PCDH11X: variants seen among roughly 807,000 people sequenced by gnomAD.
PCDH11X encodes the protein protocadherin 11 X-linked, also known as protocadherin-11 X-linked.
PCDH11X carries 18 observed loss-of-function variants against 53.3 expected under a neutral mutation model. That is an observed-to-expected ratio of 0.34 (90% CI 0.23 to 0.50). The LOEUF (loss-of-function observed/expected upper bound fraction) is 0.50. Among genes scored for constraint, PCDH11X ranks in the 20% least tolerant of loss-of-function variants. PCDH11X has a pLI of 0.98. For synonymous variants in PCDH11X, 279 were observed against 393.3 expected (o/e 0.71, Z 3.44); for missense variants, 570 against 1,032.4 (o/e 0.55, Z 6.14).
At chrX:92,460,583 G>A in intron 9 of PCDH11X, 2 of 777,633 alleles carry the variant, frequency 2.6e-6, no homozygotes, top group Admixed American at 4.8e-5. Context: ...CTTGGAGATC[G>A]ACCTGGACTC....
At chrX:92,419,989 C>T (rs866164150) in intron 9 of PCDH11X, among the ~76,000 whole-genome samples, 9 of 111,154 alleles carry the variant, frequency 8.1e-5, no homozygotes, top group African/African-American at 2.9e-4. Context: ...CTCTCTCTCC[C>T]CCTTTTCTTT....
chrX:92,296,701 T>C (rs1349463871), intron 8 of PCDH11X, among the ~76,000 whole-genome samples: 2 of 101,923 alleles, frequency 2.0e-5, no homozygotes, highest in Non-Finnish European at 3.9e-5. Context: ...AGTGCAGCAA[T>C]GAACATCCAT....
intron 6 of PCDH11X, among the ~76,000 whole-genome samples, chrX:91,950,257 C>A (rs112720421): frequency 1.9e-5 from 2 of 105,882 alleles, no homozygotes; most frequent in Non-Finnish European, 3.9e-5. Context: ...ACCTGAGTAG[C>A]GTACACTCTA....
intron 6 of PCDH11X, among the ~76,000 whole-genome samples, chrX:91,933,305 A>G (rs944666859): frequency 9.5e-6 from 1 of 105,299 alleles, no homozygotes; most frequent in African/African-American, 3.4e-5. Flanking sequence ...CTCCTTTGCT[A>G]CTATCAGCCT....
intron 8 of PCDH11X, 50 bp from the exon 9 acceptor site, chrX:92,387,685 A>G (rs372449415): frequency 8.3e-7 from 1 of 1,210,523 alleles, no homozygotes. Context: ...AGCATTAAGC[A>G]ATTATTCAGA....
intron 6 of PCDH11X, among the ~76,000 whole-genome samples, chrX:91,908,519 C>G (rs996574883): frequency 3.6e-5 from 4 of 111,819 alleles, no homozygotes; most frequent in African/African-American, 1.3e-4. Flanking sequence ...ATTAAAAAGT[C>G]AAGGCCAGGT....
intron 8 of PCDH11X, among the ~76,000 whole-genome samples, chrX:92,311,605 T>A (rs962288434): frequency 9.0e-6 from 1 of 111,325 alleles, no homozygotes; most frequent in African/African-American, 3.3e-5. Context: ...GCCACCACAT[T>A]TGGCAATTGA....
At chrX:92,177,529 C>G (rs1048111072) in intron 6 of PCDH11X, among the ~76,000 whole-genome samples, 1 of 111,746 alleles carries the variant, frequency 8.9e-6, no homozygotes, top group East Asian at 2.8e-4. Context: ...GTTACAATTG[C>G]ATGATGGGGC....
At chrX:92,460,136 G>A (rs1351664563) in intron 9 of PCDH11X, 5 of 1,058,203 alleles carry the variant, frequency 4.7e-6, no homozygotes, top group African/African-American at 3.7e-5. Context: ...GACAATGCCC[G>A]TCTTGCTGCT....
At chrX:92,494,019 CA>C (rs1332700571) in intron 10 of PCDH11X, among the ~76,000 whole-genome samples, 2 of 106,283 alleles carry the variant, frequency 1.9e-5, no homozygotes, top group African/African-American at 6.8e-5. Flanking sequence ...TTTCCCTTCA[CA>C]AGGCTATGTG....
At chrX:92,608,526 A>G (rs1927048050) in intron 10 of PCDH11X, among the ~76,000 whole-genome samples, 1 of 110,541 alleles carries the variant, frequency 9.0e-6, no homozygotes, top group African/African-American at 3.3e-5. Context: ...TTATCTTTTT[A>G]AATATTTCCA....
rs773206130 is a variant in PCDH11X at position 92,468,338 on chromosome X, A to T, written c.3367+16A>T. The T allele has an allele frequency of 4.3e-6, 5 of 1,171,845 alleles. No homozygotes were observed. Among genetic ancestry groups the T allele is most frequent in the Non-Finnish European group, 5.7e-6 (5 of 875,537 alleles). On this transcript the variant is annotated intron_variant, in intron 10 of 10. Transcript: ENST00000682573. ...CTAAAGAAAGGTACAGTAGAAATCA[A>T]CACAAACCATCACCATGTTGCATGT...
chrX:91,893,347 ATTTTT>A (rs58312535), intron 6 of PCDH11X, among the ~76,000 whole-genome samples: 1 of 88,699 alleles, frequency 1.1e-5, no homozygotes. Context: ...AGAGAACCGC[ATTTTT>A]TTTTTTTTTT....
chrX:91,813,500 G>C (rs1288935158), intron 4 of PCDH11X, among the ~76,000 whole-genome samples: 1 of 103,695 alleles, frequency 9.6e-6, no homozygotes, highest in Non-Finnish European at 1.9e-5. Context: ...GTAGATGTTG[G>C]CTCGGCTGAA....
At chrX:92,317,881 T>A (rs2069114804) in intron 8 of PCDH11X, among the ~76,000 whole-genome samples, 1 of 111,437 alleles carries the variant, frequency 9.0e-6, no homozygotes, top group African/African-American at 3.3e-5. Flanking sequence ...TAGCATTCAG[T>A]ATAATGTTAG....
chrX:91,814,714 A>T (rs1936401660), intron 4 of PCDH11X, among the ~76,000 whole-genome samples: 1 of 91,526 alleles, frequency 1.1e-5, no homozygotes, highest in Non-Finnish European at 2.2e-5. Flanking sequence ...TCAATCACAG[A>T]TGGCTAGAAC....
intron 8 of PCDH11X, among the ~76,000 whole-genome samples, chrX:92,378,324 G>A (rs2070797367): frequency 1.8e-5 from 2 of 108,915 alleles, no homozygotes; most frequent in South Asian, 7.8e-4. Context: ...AAAAGGAGAT[G>A]TCTATAGAAT....
At chrX:91,787,838 GAAC>G (rs764096957) in intron 1 of PCDH11X, among the ~76,000 whole-genome samples, 58 of 109,124 alleles carry the variant, frequency 5.3e-4, no homozygotes, top group Admixed American at 1.4e-3. Context: ...CTAAAACAAT[GAAC>G]AACAACAACA....
At chrX:92,026,745 C>T (rs1486728411) in intron 6 of PCDH11X, among the ~76,000 whole-genome samples, 40 of 80,811 alleles carry the variant, frequency 4.9e-4, no homozygotes, top group Admixed American at 1.6e-3. Context: ...TACCTGTTTT[C>T]TTCTCCATGT....
Sources: gnomAD v4.1 joint callset for allele counts (sites outside exome capture counted in the v4.1 genomes callset) on GRCh38, gnomAD v4.1.1 for gene constraint, MANE v1.5 for transcripts, NCBI Gene and HGNC (gene_info 2026-07-23, HGNC 2026-07-21) for gene names.